MOV10L1: variants seen among roughly 807,000 people sequenced by gnomAD.
MOV10L1 encodes Mov10 like RNA helicase 1.
A neutral mutation model predicts 143.8 loss-of-function variants in MOV10L1; 110 were observed. The ratio of observed to expected loss-of-function variants is 0.76; its 90% CI spans 0.66 to 0.90. MOV10L1 has a LOEUF of 0.90. MOV10L1 is among the 40% of genes least tolerant of loss of function. MOV10L1 has a pLI of 0.00. For synonymous variants in MOV10L1, 593 were observed against 581.1 expected, an observed-to-expected ratio of 1.02 and a Z score of -0.29; for missense variants, 1,406 against 1,526.8, an observed-to-expected ratio of 0.92 and a Z score of 1.32.
At chr22:50,113,968 G>A (rs1156578268) in intron 6 of MOV10L1, among the ~76,000 whole-genome samples, 180 bp downstream of exon 6, 4 of 146,048 alleles carry the variant, frequency 2.7e-5, no homozygotes, top group Non-Finnish European at 4.5e-5. Context: ...GCCCGGGCTG[G>A]AGTGCAGTGG....
chr22:50,147,485 G>A (rs1450498832), intron 19 of MOV10L1, among the ~76,000 whole-genome samples: 4 of 1,638 alleles, frequency 2.4e-3, no homozygotes, highest in East Asian at 0.016. Context: ...TCTCAGAGGC[G>A]CTCTGTGCAG....
At chr22:50,109,683 A>G (rs1200456086) in intron 5 of MOV10L1, 1 of 230,922 alleles carries the variant, frequency 4.3e-6, no homozygotes, top group Non-Finnish European at 9.0e-6. Flanking sequence ...AAAAAAAAAA[A>G]AAAAAAAAAT....
In MOV10L1 at chr22:50,144,147, C is replaced by A. The variant is rs1400877890; in HGVS notation, c.2409C>A (p.Asn803Lys). Residue 803 changes from asparagine to lysine, a missense_variant, in exon 18 of 27, where the codon AAC becomes AAA. Transcript: ENST00000262794. ...DSRILVCAPS[N>K]SAADLVCLRL... is the part of the protein sequence containing the mutation. The stretch of plus-strand genomic sequence containing the variant: ...GGATTTTAGTCTGTGCGCCCTCCAA[C>A]AGTGCTGCTGACCTCGTGTGTCTGC... 2.5e-6 allele frequency: 4 copies of A among 1,613,498 alleles called. No homozygotes were observed. The highest frequency in any genetic ancestry group is 3.4e-6 in the Non-Finnish European group (4 of 1,179,512).
intron 15 of MOV10L1, 111 bp downstream of exon 15, chr22:50,134,741 C>T: frequency 2.2e-6 from 2 of 891,612 alleles, no homozygotes; most frequent in South Asian, 1.6e-5. Flanking sequence ...GGGGATGGCT[C>T]AGCGATGTAA....
Position 50,117,181 on chromosome 22 carries a change from C to T in MOV10L1, c.1284C>T (p.Leu428=), listed in dbSNP as rs867675606. The change falls in exon 9 of 27, where the codon CTC becomes CTT. Residue 428 remains leucine (L), a synonymous_variant. Transcript: ENST00000262794. ...DGKNPGRCKE[L]LLLCFSDFLI... is the part of the protein sequence containing the mutation. The stretch of plus-strand genomic sequence containing the variant: ...GAAATCCTGGCCGCTGCAAGGAGCT[C>T]CTTTTGCTCTGTTTTTCCGATTTCC... 3.7e-6 allele frequency: 6 copies of T among 1,609,372 alleles called. No individual in the cohort carries two copies. Among genetic ancestry groups the T allele is most frequent in the Non-Finnish European group, 5.1e-6 (6 of 1,177,994 alleles).
chr22:50,145,918 G>A (rs748073719), intron 19 of MOV10L1, 108 bp downstream of exon 19: 293 of 1,511,846 alleles, frequency 1.9e-4, no homozygotes, highest in Non-Finnish European at 2.6e-4. Context: ...AGTGCTCAGG[G>A]AGGGAGGCAG....
At chr22:50,137,498 G>A (rs915336848) in intron 15 of MOV10L1, among the ~76,000 whole-genome samples, 36 of 151,898 alleles carry the variant, frequency 2.4e-4, no homozygotes, top group African/African-American at 6.5e-4. Flanking sequence ...CCGAGATCGC[G>A]CCACTGCACT....
chr22:50,114,998 T>C (rs2062131806), intron 7 of MOV10L1, 116 bp from the exon 8 acceptor site: 1 of 1,186,182 alleles, frequency 8.4e-7, no homozygotes, highest in Non-Finnish European at 1.2e-6. Context: ...CCCCGTGTTT[T>C]TGTGTGCATC....
rs2061921210 is a variant in MOV10L1, at chr22:50,108,069, T to C, written c.443-67T>C. 6 of 1,389,188 alleles carry C rather than the reference T, an allele frequency of 4.3e-6. No individual in the cohort carries two copies. The East Asian group carries it at 1.4e-4, about 32-fold the overall frequency. The allele number at this position is 1,389,188 out of a possible 1,614,324, so 86.1% of individuals were successfully genotyped here. A position where few individuals can be genotyped will look rare whatever the true frequency, so the allele number is the denominator to read the frequency against. ...TCAGGTATGATAGAAATGATTTCAG[T>C]GCACCATGACCTCAGAATAACTTGT... On this transcript the variant is annotated intron_variant, in intron 3 of 26. Coordinates refer to ENST00000262794, the MANE Select transcript of MOV10L1 (RefSeq NM_018995.3).
intron 2 of MOV10L1, among the ~76,000 whole-genome samples, 170 bp downstream of exon 2, chr22:50,092,355 G>A (rs1223211112): frequency 1.3e-5 from 2 of 152,208 alleles, no homozygotes; most frequent in African/African-American, 2.4e-5. Flanking sequence ...AATAGACTGG[G>A]TACAGTGGCT....
At chr22:50,120,324 C>G (rs1430692132) in intron 9 of MOV10L1, among the ~76,000 whole-genome samples, 178 bp from the exon 10 acceptor site, 2 of 152,120 alleles carry the variant, frequency 1.3e-5, no homozygotes, top group African/African-American at 4.8e-5. Flanking sequence ...GAAAGGATCC[C>G]AGAGCTAAAA....
At position 50,160,845 on chromosome 22, in the gene MOV10L1, G is replaced by T. The variant is rs762388875; in HGVS notation, c.3462+20G>T. The T allele has an allele frequency of 6.2e-7, 1 of 1,613,934 alleles. No homozygotes were observed. Among genetic ancestry groups the T allele is most frequent in the South Asian group, 1.1e-5 (1 of 91,060 alleles). On this transcript the variant is annotated intron_variant, in intron 25 of 26. Coordinates refer to ENST00000262794, the MANE Select transcript of MOV10L1 (RefSeq NM_018995.3). ...GTTCGAGTGAGTTTTCAGGCACTGG[G>T]TGGGCTGTGATCACTTAAGGAGGGA...
chr22:50,143,572 C>T (rs2063051304), intron 17 of MOV10L1, among the ~76,000 whole-genome samples: 1 of 152,194 alleles, frequency 6.6e-6, no homozygotes, highest in Non-Finnish European at 1.5e-5. Flanking sequence ...CTATTGTCTA[C>T]AGATGCTTCT....
At chr22:50,144,592 T>TG (rs1210363039) in intron 18 of MOV10L1, among the ~76,000 whole-genome samples, 1 of 142,238 alleles carries the variant, frequency 7.0e-6, no homozygotes, top group Non-Finnish European at 1.6e-5. Context: ...GTTTTGTTTT[T>TG]TTTTTTTGAG....
At chr22:50,107,164 T>G (rs2061894201) in intron 3 of MOV10L1, among the ~76,000 whole-genome samples, 2 of 151,138 alleles carry the variant, frequency 1.3e-5, no homozygotes, top group African/African-American at 4.9e-5. Context: ...AAACTCCACC[T>G]CCCGGGTTCA....
At chr22:50,122,822 C>T (rs2062388609) in intron 10 of MOV10L1, among the ~76,000 whole-genome samples, 1 of 151,244 alleles carries the variant, frequency 6.6e-6, no homozygotes, top group Non-Finnish European at 1.5e-5. Flanking sequence ...TCTCCTGTCG[C>T]CCAGGCTGGA....
rs555280956 is a variant in MOV10L1 at position 50,109,407 on chromosome 22, C to T, written c.743+563C>T. ...AAGCGAGGCCGGGCACGGTGGCTCACGCCTGTAATCTCAGCACTCTGGGAG... is the reference window on the plus strand; with the variant it reads ...AAGCGAGGCCGGGCACGGTGGCTCATGCCTGTAATCTCAGCACTCTGGGAG... On this transcript the variant is annotated intron_variant, in intron 5 of 26. Coordinates refer to ENST00000262794, the MANE Select transcript of MOV10L1 (RefSeq NM_018995.3). Among the ~76,000 whole-genome samples the T allele has an allele frequency of 7.9e-5, 12 of 152,162 alleles. No individual in the cohort carries two copies. In the South Asian group the frequency reaches 2.1e-3, roughly 26 times the overall value.
intron 13 of MOV10L1, among the ~76,000 whole-genome samples, chr22:50,132,382 G>A (rs561752947): frequency 2.6e-5 from 4 of 152,174 alleles, no homozygotes; most frequent in East Asian, 3.9e-4. Context: ...CCTATGGGTC[G>A]GTTTAAGGGA....
At position 50,159,674 on chromosome 22, in the gene MOV10L1, C is replaced by T; in HGVS notation, c.3217-4C>T. The stretch of plus-strand genomic sequence containing the variant: ...TTTAGTCTTTCTTTTAATCTGTTCT[C>T]AAGGTGGAGAAAATCAGAATTCTTT... On this transcript the variant is annotated splice_polypyrimidine_tract_variant and splice_region_variant and intron_variant, in intron 23 of 26. Transcript: ENST00000262794. The surrounding 1 kb of genome is among the most constrained non-coding windows in gnomAD (Gnocchi z 4.1). The T allele has an allele frequency of 6.3e-7, 1 of 1,581,702 alleles. No individual in the cohort carries two copies. The highest frequency in any genetic ancestry group is 1.4e-5 in the African/African-American group (1 of 74,066).
Sources: allele counts gnomAD v4.1 joint callset (sites outside exome capture counted in the v4.1 genomes callset), GRCh38; gene constraint gnomAD v4.1.1; non-coding constraint Gnocchi (gnomAD v3.1); transcripts MANE v1.5; gene names NCBI Gene and HGNC (gene_info 2026-07-23, HGNC 2026-07-21).